Variants in TCF12 observed in about 807,000 individuals in gnomAD.
The protein encoded by TCF12 is transcription factor 12.
A neutral mutation model predicts 86.0 loss-of-function variants in TCF12; 45 were observed. The ratio of observed to expected loss-of-function variants is 0.52; its 90% CI spans 0.41 to 0.67. The LOEUF (loss-of-function observed/expected upper bound fraction) is 0.67. Ranked by LOEUF, TCF12 falls within the 30% of genes least tolerant of loss-of-function variation. The pLI, the probability that TCF12 is intolerant of heterozygous loss-of-function variation, is 0.00. For missense variants in TCF12, 881 were observed against 859.9 expected (o/e 1.02, Z -0.31); for synonymous variants, 330 against 299.6 (o/e 1.10, Z -1.05).
At chr15:57,187,778 A>C (rs2056759533) in intron 6 of TCF12, among the ~76,000 whole-genome samples, 1 of 152,018 alleles carries the variant, frequency 6.6e-6, no homozygotes, top group African/African-American at 2.4e-5. Flanking sequence ...AAAAATACAA[A>C]AATTAGCCGG....
At chr15:57,042,140 A>G (rs1229229982) in intron 3 of TCF12, among the ~76,000 whole-genome samples, 1 of 151,770 alleles carries the variant, frequency 6.6e-6, no homozygotes, top group East Asian at 1.9e-4. Flanking sequence ...TTTTTTTGAG[A>G]TGGAGTTTTG....
At chr15:57,245,319 C>T (rs1161687220) in intron 13 of TCF12, among the ~76,000 whole-genome samples, 3 of 152,244 alleles carry the variant, frequency 2.0e-5, no homozygotes, top group Non-Finnish European at 4.4e-5. Flanking sequence ...AAAAGTTAAA[C>T]AGCTGTTCCC....
intron 3 of TCF12, among the ~76,000 whole-genome samples, chr15:56,931,675 C>G (rs752190203): frequency 7.2e-5 from 11 of 152,108 alleles, no homozygotes; most frequent in Non-Finnish European, 1.6e-4. Flanking sequence ...GAAATATACT[C>G]ATTACAGGCA....
Position 57,176,016 on chromosome 15 carries a change from A to G in TCF12, c.390+9550A>G, listed in dbSNP as rs369610044. On this transcript the variant is annotated intron_variant, in intron 6 of 20. Transcript: ENST00000333725. ...CTTTACTGGTATTTTATAATAGATT[A>G]CAGTACCTATTGTTTGACTGAAATA... is the stretch of plus-strand genomic sequence containing the variant. 9.2e-5 allele frequency among the ~76,000 whole-genome samples: 14 copies of G among 152,292 alleles called. No homozygotes were observed. The South Asian group carries it at 2.9e-3, about 32-fold the overall frequency.
intron 5 of TCF12, among the ~76,000 whole-genome samples, chr15:57,096,715 AT>A (rs2049349769): frequency 6.6e-6 from 1 of 151,984 alleles, no homozygotes; most frequent in Non-Finnish European, 1.5e-5. Context: ...GCAACCATCC[AT>A]TTTTTTCCCC....
In TCF12 at chr15:57,273,278, C is replaced by T. The variant is rs1199004186; in HGVS notation, c.1978+16C>T. The T allele has an allele frequency of 3.1e-6, 5 of 1,611,158 alleles. No homozygotes were observed. The highest frequency in any genetic ancestry group is 3.4e-6 in the Non-Finnish European group (4 of 1,177,686). ...CAAGTCAGAGGTAAGTAGGTTCAGCCGAGATGTATAACTGTTCTGCTTCAG... is the reference window on the plus strand; with the variant it reads ...CAAGTCAGAGGTAAGTAGGTTCAGCTGAGATGTATAACTGTTCTGCTTCAG... On this transcript the variant is annotated intron_variant, in intron 19 of 20. Coordinates refer to ENST00000333725, the MANE Select transcript of TCF12 (RefSeq NM_207037.2).
chr15:56,939,217 T>C (rs1304189999), intron 3 of TCF12, among the ~76,000 whole-genome samples: 1 of 152,234 alleles, frequency 6.6e-6, no homozygotes, highest in Non-Finnish European at 1.5e-5. Flanking sequence ...TTTGTATACA[T>C]TGTATACAAA....
At chr15:57,162,015 A>G (rs1413543453) in intron 5 of TCF12, among the ~76,000 whole-genome samples, 1 of 152,184 alleles carries the variant, frequency 6.6e-6, no homozygotes, top group Non-Finnish European at 1.5e-5. Flanking sequence ...AGGCCCATGC[A>G]CATGTGCACA....
intron 19 of TCF12, among the ~76,000 whole-genome samples, chr15:57,274,430 T>C (rs1370320647): frequency 6.6e-6 from 1 of 152,204 alleles, no homozygotes; most frequent in Non-Finnish European, 1.5e-5. Flanking sequence ...CCAAGGTCCT[T>C]GAAATATCTG....
intron 6 of TCF12, among the ~76,000 whole-genome samples, chr15:57,176,073 C>T (rs2055887425): frequency 6.6e-6 from 1 of 152,114 alleles, no homozygotes; most frequent in South Asian, 2.1e-4. Flanking sequence ...GTGTTGCATG[C>T]CTGTATTCCC....
intron 6 of TCF12, among the ~76,000 whole-genome samples, chr15:57,174,517 G>C (rs1266689887): frequency 2.0e-5 from 3 of 152,142 alleles, no homozygotes; most frequent in Non-Finnish European, 4.4e-5. Context: ...AATAATTTTT[G>C]TTCTCATCAT....
intron 8 of TCF12, among the ~76,000 whole-genome samples, chr15:57,229,662 AT>A (rs1307436506): frequency 6.6e-6 from 1 of 151,958 alleles, no homozygotes; most frequent in African/African-American, 2.4e-5. Flanking sequence ...AACAGGTAAT[AT>A]TTAGCAACAT....
chr15:56,988,406 C>T (rs914961074), intron 3 of TCF12, among the ~76,000 whole-genome samples: 5 of 152,114 alleles, frequency 3.3e-5, no homozygotes, highest in African/African-American at 1.2e-4. Flanking sequence ...TGTATCTAAA[C>T]ATAGAAAAAG....
chr15:57,235,520 T>C (rs1280373929), intron 12 of TCF12, among the ~76,000 whole-genome samples: 2 of 152,200 alleles, frequency 1.3e-5, no homozygotes, highest in Admixed American at 1.3e-4. Flanking sequence ...GTAATTATCT[T>C]ACAAGGTATT....
chr15:57,208,619 A>G (rs575230647), intron 8 of TCF12, among the ~76,000 whole-genome samples: 1 of 151,618 alleles, frequency 6.6e-6, no homozygotes, highest in East Asian at 1.9e-4. Context: ...TCCTGGACTC[A>G]AGCGATCCAC....
At chr15:57,128,386 C>G (rs557338371) in intron 5 of TCF12, among the ~76,000 whole-genome samples, 4 of 152,146 alleles carry the variant, frequency 2.6e-5, no homozygotes, top group Non-Finnish European at 5.9e-5. Flanking sequence ...CTAGGCACCA[C>G]GCAAAGTGCT....
intron 3 of TCF12, among the ~76,000 whole-genome samples, chr15:57,020,534 T>A (rs2065414736): frequency 1.3e-5 from 2 of 152,168 alleles, no homozygotes; most frequent in Non-Finnish European, 2.9e-5. Flanking sequence ...ATATTTTGCT[T>A]CAAACATTAA....
At chr15:57,269,325 T>C (rs2152083567) in intron 18 of TCF12, among the ~76,000 whole-genome samples, 1 of 151,768 alleles carries the variant, frequency 6.6e-6, no homozygotes, top group African/African-American at 2.4e-5. Context: ...AAGTCTGTTT[T>C]ATCAGAGACC....
intron 5 of TCF12, among the ~76,000 whole-genome samples, chr15:57,100,708 G>T (rs1340279402): frequency 6.6e-6 from 1 of 152,072 alleles, no homozygotes; most frequent in Admixed American, 6.6e-5. Context: ...ATAGAAGTAG[G>T]GGGAGGTATT....
Sources: allele counts gnomAD v4.1 joint callset (sites outside exome capture counted in the v4.1 genomes callset), GRCh38; gene constraint gnomAD v4.1.1; transcripts MANE v1.5; gene names NCBI Gene and HGNC (gene_info 2026-07-23, HGNC 2026-07-21).